Variants in PIGK observed in about 807,000 individuals in gnomAD.
The protein encoded by PIGK is phosphatidylinositol glycan anchor biosynthesis class K.
A neutral mutation model predicts 50.6 loss-of-function variants in PIGK; 42 were observed. The ratio of observed to expected loss-of-function variants is 0.83; its 90% CI spans 0.65 to 1.07. The LOEUF (loss-of-function observed/expected upper bound fraction) is 1.07, where lower values mean the gene tolerates loss of function less well. PIGK is among the 50% of genes least tolerant of loss of function. PIGK has a pLI of 0.00. For synonymous variants in PIGK, 151 were observed against 156.0 expected, an observed-to-expected ratio of 0.97 and a Z score of 0.24; for missense variants, 448 against 488.7, an observed-to-expected ratio of 0.92 and a Z score of 0.78.
intron 10 of PIGK, among the ~76,000 whole-genome samples, chr1:77,098,787 G>T (rs111853312): frequency 8.5e-4 from 129 of 152,092 alleles, no homozygotes; most frequent in African/African-American, 3.0e-3. Context: ...AGACACAAGG[G>T]TATATCAATA....
At chr1:77,094,724 T>C (rs1653370176) in intron 10 of PIGK, among the ~76,000 whole-genome samples, 1 of 152,116 alleles carries the variant, frequency 6.6e-6, no homozygotes, top group Admixed American at 6.6e-5. Context: ...AAAGTAACTA[T>C]CATTTTTCCA....
intron 8 of PIGK, among the ~76,000 whole-genome samples, chr1:77,159,431 G>A (rs1317908991): frequency 6.6e-6 from 1 of 152,198 alleles, no homozygotes; most frequent in African/African-American, 2.4e-5. Context: ...GTACTGCCTA[G>A]TGGAGCTGTG....
intron 8 of PIGK, among the ~76,000 whole-genome samples, chr1:77,157,512 C>T (rs1394795737): frequency 2.0e-5 from 3 of 152,116 alleles, no homozygotes; most frequent in African/African-American, 7.2e-5. Flanking sequence ...GATAGCATGT[C>T]ATGCCTTACA....
intron 10 of PIGK, among the ~76,000 whole-genome samples, chr1:77,111,508 C>CA (rs1175944698): frequency 2.0e-5 from 3 of 150,090 alleles, no homozygotes; most frequent in East Asian, 2.0e-4. Flanking sequence ...ATCGCAAGGA[C>CA]AAAAAACCAA....
intron 3 of PIGK, among the ~76,000 whole-genome samples, chr1:77,195,866 T>G (rs1656023049): frequency 6.6e-6 from 1 of 152,192 alleles, no homozygotes; most frequent in South Asian, 2.1e-4. Flanking sequence ...GGGGTACATA[T>G]GCAGGTTTGC....
chr1:77,195,146 T>C (rs1656002064), intron 3 of PIGK: 3 of 1,228,426 alleles, frequency 2.4e-6, no homozygotes, highest in Non-Finnish European at 3.6e-6. Flanking sequence ...TTCATGAATA[T>C]CATTGCCAAT....
chr1:77,214,412 G>A (rs1656502525), intron 1 of PIGK, among the ~76,000 whole-genome samples: 1 of 152,030 alleles, frequency 6.6e-6, no homozygotes, highest in Non-Finnish European at 1.5e-5. Flanking sequence ...ACATATGACT[G>A]TCTCAGTAGA....
intron 3 of PIGK, among the ~76,000 whole-genome samples, chr1:77,173,184 G>A (rs919764354): frequency 6.6e-6 from 1 of 152,140 alleles, no homozygotes; most frequent in Non-Finnish European, 1.5e-5. Context: ...TCTTACTAAA[G>A]ATAACTTACA....
intron 9 of PIGK, among the ~76,000 whole-genome samples, chr1:77,140,243 A>ACACT (rs917275843): frequency 6.6e-6 from 1 of 151,730 alleles, no homozygotes; most frequent in African/African-American, 2.4e-5. Context: ...GTGCATGCTC[A>ACACT]CACTCACTCA....
chr1:77,217,006 C>A (rs1456405725), intron 1 of PIGK, among the ~76,000 whole-genome samples: 1 of 152,088 alleles, frequency 6.6e-6, no homozygotes, highest in East Asian at 1.9e-4. Flanking sequence ...TATAGTGATA[C>A]AAAAATCACT....
chr1:77,210,452 T>C lies in PIGK; in HGVS notation c.131A>G (p.Asn44Ser). ...TATACTTACCAGAACAGCCCAGTTG[T>C]TTGTATGGCCACTTCTAAAGAATTG... The part of the protein sequence containing the change: ...AEQFFRSGHT[N>S]NWAVLVCTSR... Residue 44 changes from asparagine (N) to serine (S), a missense_variant, in exon 2 of 11, where the codon AAC (asparagine) becomes AGC (serine). Asn to Ser is a conservative substitution (Grantham distance 46). Transcript: ENST00000370812. The C allele has an allele frequency of 6.3e-7, 1 of 1,595,042 alleles. No homozygotes were observed. The highest frequency in any genetic ancestry group is 8.6e-7 in the Non-Finnish European group (1 of 1,167,854).
intron 9 of PIGK, among the ~76,000 whole-genome samples, chr1:77,144,541 T>C (rs1654723803): frequency 6.6e-6 from 1 of 151,926 alleles, no homozygotes; most frequent in African/African-American, 2.4e-5. Flanking sequence ...CTAGTAAACA[T>C]ATTTGCCAAT....
chr1:77,191,843 T>C (rs909622472), intron 3 of PIGK, among the ~76,000 whole-genome samples: 1 of 152,158 alleles, frequency 6.6e-6, no homozygotes, highest in Admixed American at 6.5e-5. Flanking sequence ...CCAGGCAACA[T>C]GGCAAAACCC....
Position 77,092,193 on chromosome 1 carries a change from T to C in PIGK, c.*181A>G. 2.4e-6 allele frequency: 1 copy of C among 417,044 alleles called. No homozygotes were observed. Among genetic ancestry groups the C allele is most frequent in the Non-Finnish European group, 4.2e-6 (1 of 237,340 alleles). 25.8% of individuals were successfully genotyped at this position (417,044 alleles called of 1,614,324 possible). A position where few individuals can be genotyped will look rare whatever the true frequency, so the allele number is the denominator to read the frequency against. On this transcript the variant is annotated 3_prime_UTR_variant, in exon 11 of 11. Coordinates refer to ENST00000370812, the MANE Select transcript of PIGK (RefSeq NM_005482.3). ...CAAAACTGGAATATATTTAGTGCCATTAAGCAGTTGCATTAACAATTATTT... is the reference window on the plus strand; with the variant it reads ...CAAAACTGGAATATATTTAGTGCCACTAAGCAGTTGCATTAACAATTATTT...
chr1:77,121,452 T>C (rs1297740412), intron 10 of PIGK, among the ~76,000 whole-genome samples: 2 of 152,186 alleles, frequency 1.3e-5, no homozygotes, highest in African/African-American at 2.4e-5. Context: ...TTTAATAAAG[T>C]TCTAACTGGC....
intron 10 of PIGK, among the ~76,000 whole-genome samples, chr1:77,121,863 G>A (rs1352641488): frequency 1.3e-5 from 2 of 152,178 alleles, no homozygotes; most frequent in African/African-American, 4.8e-5. Flanking sequence ...TGATGATTGG[G>A]CAGGGTAAAG....
At chr1:77,135,375 TCTATGTA>T (rs1157905615) in intron 9 of PIGK, among the ~76,000 whole-genome samples, 1 of 152,050 alleles carries the variant, frequency 6.6e-6, no homozygotes, top group Non-Finnish European at 1.5e-5. Context: ...TGTTATATAC[TCTATGTA>T]CTATGTACTA....
In PIGK at chr1:77,092,006, T is replaced by C. The variant is rs567303527; in HGVS notation, c.*368A>G. On this transcript the variant is annotated 3_prime_UTR_variant, in exon 11 of 11. Transcript: ENST00000370812. The stretch of plus-strand genomic sequence containing the variant: ...CATAAGTCAAAAGATTGGGAGGATA[T>C]ACAAAAAATAATTAACCAAAGTTAC... The C allele has an allele frequency of 6.5e-6, 1 of 154,912 alleles. No homozygotes were observed. The highest frequency in any genetic ancestry group is 2.4e-5 in the African/African-American group (1 of 41,636). 9.6% of individuals were successfully genotyped at this position (154,912 alleles called of 1,614,324 possible).
intron 10 of PIGK, among the ~76,000 whole-genome samples, chr1:77,111,084 G>C (rs568243020): frequency 1.3e-5 from 2 of 151,922 alleles, no homozygotes; most frequent in South Asian, 2.1e-4. Context: ...TTAGAATGGC[G>C]ATCATTAAAA....
Sources: allele counts gnomAD v4.1 joint callset (sites outside exome capture counted in the v4.1 genomes callset), GRCh38; gene constraint gnomAD v4.1.1; transcripts MANE v1.5; gene names NCBI Gene and HGNC (gene_info 2026-07-23, HGNC 2026-07-21).